Variants in SORCS2 observed in about 807,000 individuals in gnomAD.
The protein encoded by SORCS2 is sortilin related VPS10 domain containing receptor 2, also known as VPS10 domain-containing receptor SorCS2.
SORCS2 carries 100 observed loss-of-function variants against 141.6 expected under a neutral mutation model. That is an observed-to-expected ratio of 0.71 (90% CI 0.60 to 0.83). SORCS2 has a LOEUF of 0.83. Ranked by LOEUF, SORCS2 falls within the 40% of genes least tolerant of loss-of-function variation. The pLI is 0.00. For missense variants in SORCS2, 1,646 were observed against 1,560.2 expected (o/e 1.05, Z -0.93); for synonymous variants, 789 against 676.9 (o/e 1.17, Z -2.57).
chr4:7,391,844 C>T (rs936470362), intron 1 of SORCS2, among the ~76,000 whole-genome samples: 23 of 152,178 alleles, frequency 1.5e-4, no homozygotes, highest in African/African-American at 2.9e-4. Flanking sequence ...CACCCAGATC[C>T]GCCCTCACTT....
chr4:7,376,679 A>G (rs1472485447), intron 1 of SORCS2, among the ~76,000 whole-genome samples: 2 of 152,184 alleles, frequency 1.3e-5, no homozygotes, highest in South Asian at 4.1e-4. Context: ...GCGCATGTCT[A>G]TGTGTCCATA....
intron 8 of SORCS2, among the ~76,000 whole-genome samples, chr4:7,673,199 C>T (rs1271653321): frequency 1.3e-5 from 2 of 152,178 alleles, no homozygotes; most frequent in Non-Finnish European, 2.9e-5. Context: ...AAACGAAATA[C>T]GTGCCCTCTA....
chr4:7,586,503 A>G (rs1430948340), intron 3 of SORCS2, among the ~76,000 whole-genome samples: 1 of 151,980 alleles, frequency 6.6e-6, no homozygotes, highest in African/African-American at 2.4e-5. Flanking sequence ...ACAGGCCTCT[A>G]TATGTGTTAT....
intron 4 of SORCS2, among the ~76,000 whole-genome samples, chr4:7,639,542 T>A: frequency 7.9e-6 from 1 of 126,764 alleles, no homozygotes; most frequent in South Asian, 2.5e-4. Context: ...GGGGTGTTAG[T>A]GTGAATGTGT....
intron 2 of SORCS2, among the ~76,000 whole-genome samples, chr4:7,502,027 T>C (rs1437680066): frequency 6.6e-6 from 1 of 152,150 alleles, no homozygotes; most frequent in Non-Finnish European, 1.5e-5. Context: ...AGTGCAGTCC[T>C]TCTCTGTTCA....
At chr4:7,713,585 A>G (rs1725971767) in intron 15 of SORCS2, among the ~76,000 whole-genome samples, 1 of 152,184 alleles carries the variant, frequency 6.6e-6, no homozygotes, top group African/African-American at 2.4e-5. Flanking sequence ...AAACTGACTA[A>G]GAGGAAACAC....
intron 2 of SORCS2, among the ~76,000 whole-genome samples, chr4:7,417,208 C>G (rs188391790): frequency 2.0e-5 from 3 of 152,094 alleles, no homozygotes; most frequent in African/African-American, 4.8e-5. Flanking sequence ...TGCCGGCGGC[C>G]GAGTGGCATG....
At chr4:7,403,989 ATATATATATTTTTTT>A (rs1447119267) in intron 2 of SORCS2, among the ~76,000 whole-genome samples, 21 of 7,760 alleles carry the variant, frequency 2.7e-3, no homozygotes, top group African/African-American at 4.9e-3. Context: ...ATATATATAT[ATATATATATTTTTTT>A]TTTTTTTTTA....
Position 7,725,141 on chromosome 4 carries a change from T to G in SORCS2, c.2612-13T>G. 6.2e-7 allele frequency: 1 copy of G among 1,611,438 alleles called. No homozygotes were observed. Among genetic ancestry groups the G allele is most frequent in the Non-Finnish European group, 8.5e-7 (1 of 1,178,656 alleles). On this transcript the variant is annotated splice_polypyrimidine_tract_variant and intron_variant, in intron 19 of 26. Coordinates refer to ENST00000507866, the MANE Select transcript of SORCS2 (RefSeq NM_020777.3). ...TGATATCATCTAACCCTGGCCTTTTTGGGTCCCCACAGCCCCCCTGCAGGC... is the reference window on the plus strand; with the variant it reads ...TGATATCATCTAACCCTGGCCTTTTGGGGTCCCCACAGCCCCCCTGCAGGC...
chr4:7,357,998 C>G (rs1295711194), intron 1 of SORCS2, among the ~76,000 whole-genome samples: 1 of 152,198 alleles, frequency 6.6e-6, no homozygotes, highest in Non-Finnish European at 1.5e-5. Context: ...CATGCTTCCT[C>G]CTGAAAATAT....
chr4:7,601,671 G>GTTT (rs1553890697), intron 3 of SORCS2, among the ~76,000 whole-genome samples: 62 of 130,044 alleles, frequency 4.8e-4, no homozygotes, highest in Non-Finnish European at 7.6e-4. Flanking sequence ...TTGTTTGTTT[G>GTTT]TTTGTTTTTT....
At chr4:7,656,848 TAACAG>T (rs1721812164) in intron 5 of SORCS2, among the ~76,000 whole-genome samples, 1 of 152,184 alleles carries the variant, frequency 6.6e-6, no homozygotes, top group South Asian at 2.1e-4. Flanking sequence ...TTTCTGGGCT[TAACAG>T]AACCATTTGC....
intron 20 of SORCS2, among the ~76,000 whole-genome samples, chr4:7,726,525 G>C (rs1727229112): frequency 6.6e-6 from 1 of 152,138 alleles, no homozygotes; most frequent in Non-Finnish European, 1.5e-5. Context: ...AGTGAGCCAA[G>C]ATTGCGCCAC....
chr4:7,704,531 T>C (rs1272633663), intron 14 of SORCS2, among the ~76,000 whole-genome samples: 2 of 152,238 alleles, frequency 1.3e-5, no homozygotes, highest in Non-Finnish European at 2.9e-5. Flanking sequence ...CTCAGCCATA[T>C]GGCATGAAGG....
At chr4:7,564,798 CATTTT>C (rs1714847860) in intron 3 of SORCS2, among the ~76,000 whole-genome samples, 1 of 152,244 alleles carries the variant, frequency 6.6e-6, no homozygotes, top group African/African-American at 2.4e-5. Flanking sequence ...GTATTACAAA[CATTTT>C]ATTCGAGAAA....
At chr4:7,373,013 T>TA (rs1722359561) in intron 1 of SORCS2, among the ~76,000 whole-genome samples, 1 of 151,238 alleles carries the variant, frequency 6.6e-6, no homozygotes. Flanking sequence ...TCTGTTTTTT[T>TA]TTTTTTTTTC....
At chr4:7,679,985 T>C (rs187478723) in intron 9 of SORCS2, among the ~76,000 whole-genome samples, 1 of 152,304 alleles carries the variant, frequency 6.6e-6, no homozygotes, top group Non-Finnish European at 1.5e-5. Flanking sequence ...AAAATCATCC[T>C]TCTACCTGCC....
chr4:7,206,262 C>T (rs1238470701), intron 1 of SORCS2, among the ~76,000 whole-genome samples: 1 of 152,088 alleles, frequency 6.6e-6, no homozygotes, highest in Non-Finnish European at 1.5e-5. Flanking sequence ...TCCAGGGGCT[C>T]AGGGGCTTTG....
chr4:7,548,511 A>G (rs1004052688), intron 3 of SORCS2, among the ~76,000 whole-genome samples: 3 of 152,188 alleles, frequency 2.0e-5, no homozygotes, highest in Non-Finnish European at 4.4e-5. Context: ...GGTTGGTGGC[A>G]TACAAGCGTT....
Sources: allele counts gnomAD v4.1 joint callset (sites outside exome capture counted in the v4.1 genomes callset), GRCh38; gene constraint gnomAD v4.1.1; transcripts MANE v1.5; gene names NCBI Gene and HGNC (gene_info 2026-07-23, HGNC 2026-07-21).